PCDH9: variants seen among roughly 807,000 people sequenced by gnomAD.
PCDH9 encodes the protein protocadherin-9.
PCDH9 carries 24 observed loss-of-function variants against 70.6 expected under a neutral mutation model. That is an observed-to-expected ratio of 0.34 (90% CI 0.25 to 0.48). The LOEUF (loss-of-function observed/expected upper bound fraction) is 0.48. PCDH9 is among the 20% of genes least tolerant of loss of function. The pLI, the probability that PCDH9 is intolerant of heterozygous loss-of-function variation, is 0.99. For synonymous variants in PCDH9, 562 were observed against 558.5 expected, an observed-to-expected ratio of 1.01 and a Z score of -0.09; for missense variants, 1,281 against 1,503.6, an observed-to-expected ratio of 0.85 and a Z score of 2.45.
intron 4 of PCDH9, among the ~76,000 whole-genome samples, chr13:66,519,880 G>T (rs1025324978): frequency 2.7e-5 from 4 of 149,774 alleles, no homozygotes; most frequent in African/African-American, 9.9e-5. Context: ...CTGGTCGACG[G>T]CAGTCCTATT....
At position 66,500,928 on chromosome 13, in the gene PCDH9, G is replaced by A. The variant is rs201019917; in HGVS notation, c.3340+130282C>T. ...ATCCACATAGCAATTTTTTATTTGG[G>A]TGAGATTAAGCATAACAAAAAATAC... On this transcript the variant is annotated intron_variant, in intron 4 of 4. Coordinates refer to ENST00000377865, the MANE Select transcript of PCDH9 (RefSeq NM_203487.3). 3.3e-5 allele frequency among the ~76,000 whole-genome samples: 5 copies of A among 152,036 alleles called. No homozygotes were observed. In the East Asian group the frequency reaches 7.7e-4, roughly 24 times the overall value.
intron 3 of PCDH9, among the ~76,000 whole-genome samples, chr13:66,656,199 T>A (rs1054833264): frequency 1.3e-5 from 2 of 151,702 alleles, no homozygotes; most frequent in African/African-American, 4.8e-5. Context: ...AGCCTGTTAC[T>A]GAACAAAGTC....
At chr13:66,907,137 G>C (rs1445628003) in intron 2 of PCDH9, among the ~76,000 whole-genome samples, 1 of 152,108 alleles carries the variant, frequency 6.6e-6, no homozygotes, top group Admixed American at 6.6e-5. Context: ...TCGAGAGCTG[G>C]AGGTTGCAGT....
chr13:67,129,287 G>T (rs1407284968), intron 2 of PCDH9, among the ~76,000 whole-genome samples: 3 of 152,052 alleles, frequency 2.0e-5, no homozygotes, highest in African/African-American at 7.2e-5. Context: ...ACAGAATCTG[G>T]CAATTGCTAT....
intron 2 of PCDH9, among the ~76,000 whole-genome samples, chr13:66,928,383 G>T (rs1365804170): frequency 3.9e-5 from 6 of 151,984 alleles, no homozygotes; most frequent in Non-Finnish European, 7.4e-5. Context: ...GGAATTTCGT[G>T]TCTCACAACA....
Position 67,132,444 on chromosome 13 carries a change from T to C in PCDH9, c.3036+92961A>G, listed in dbSNP as rs151041898. Among the ~76,000 whole-genome samples, 823 of 152,262 alleles carry C rather than the reference T, an allele frequency of 5.4e-3. 12 individuals are homozygous for C. Among genetic ancestry groups the C allele is most frequent in the African/African-American group, 0.019 (801 of 41,572 alleles). On this transcript the variant is annotated intron_variant, in intron 2 of 4. Transcript: ENST00000377865. ...TCCAGCTAGAAATTTCTTAGGTGAG[T>C]TCACTATAAAGTTTACTCTCTAGTG...
intron 3 of PCDH9, among the ~76,000 whole-genome samples, chr13:66,848,958 G>A (rs762771222): frequency 6.7e-5 from 10 of 150,118 alleles, no homozygotes; most frequent in Non-Finnish European, 7.4e-5. Flanking sequence ...AAAAATAGAG[G>A]AGCCAAAATA....
At chr13:66,906,789 A>G (rs2082368516) in intron 2 of PCDH9, among the ~76,000 whole-genome samples, 1 of 151,902 alleles carries the variant, frequency 6.6e-6, no homozygotes, top group African/African-American at 2.4e-5. Context: ...GAGATTAACT[A>G]TTATAAATAC....
Position 66,642,840 on chromosome 13 carries a change from T to C in PCDH9, c.3139-11429A>G, listed in dbSNP as rs192976015. 1.7e-3 allele frequency among the ~76,000 whole-genome samples: 266 copies of C among 152,102 alleles called. 1 individual carries two copies. Among genetic ancestry groups the C allele is most frequent in the Middle Eastern group, 3.4e-3 (1 of 294 alleles). On this transcript the variant is annotated intron_variant, in intron 3 of 4. Coordinates refer to ENST00000377865, the MANE Select transcript of PCDH9 (RefSeq NM_203487.3). The stretch of plus-strand genomic sequence containing the variant: ...GAGAAATCACAATATTAAGGGTAGC[T>C]ACGAATGAGGGCAAATTTGAAGGAC...
intron 2 of PCDH9, among the ~76,000 whole-genome samples, chr13:67,166,209 A>G (rs1359603894): frequency 6.6e-6 from 1 of 152,154 alleles, no homozygotes; most frequent in East Asian, 1.9e-4. Flanking sequence ...CTCCTTTGAT[A>G]CAATTATGAA....
Position 66,771,534 on chromosome 13 carries a change from T to C in PCDH9, c.3138+131970A>G, listed in dbSNP as rs895861917. Reference sequence around the variant, plus strand: ...GTAATTCAATTACAATCATGATAAGTGCTAGGAGGACAAGTTTCCAAGTCA... The same window carrying C: ...GTAATTCAATTACAATCATGATAAGCGCTAGGAGGACAAGTTTCCAAGTCA... On this transcript the variant is annotated intron_variant, in intron 3 of 4. Coordinates refer to ENST00000377865, the MANE Select transcript of PCDH9 (RefSeq NM_203487.3). Among the ~76,000 whole-genome samples, 2 of 152,184 alleles carry C rather than the reference T, an allele frequency of 1.3e-5. 1 individual carries two copies. Among genetic ancestry groups the C allele is most frequent in the South Asian group, 4.1e-4 (2 of 4,828 alleles).
intron 4 of PCDH9, among the ~76,000 whole-genome samples, chr13:66,517,873 G>C (rs1286034884): frequency 6.6e-6 from 1 of 152,038 alleles, no homozygotes; most frequent in Non-Finnish European, 1.5e-5. Context: ...AATAATGAAT[G>C]CTTGCATGAA....
chr13:66,398,210 C>A (rs908893744), intron 4 of PCDH9, among the ~76,000 whole-genome samples: 2 of 152,024 alleles, frequency 1.3e-5, no homozygotes, highest in Admixed American at 1.3e-4. Flanking sequence ...AAGAAAGTAT[C>A]TTTATAAAAT....
At chr13:66,904,897 C>T (rs1594237022) in intron 2 of PCDH9, among the ~76,000 whole-genome samples, 1 of 151,934 alleles carries the variant, frequency 6.6e-6, no homozygotes, top group East Asian at 1.9e-4. Context: ...GACTTTAAAT[C>T]CATATATCCA....
At chr13:66,391,479 G>C (rs1216586789) in intron 4 of PCDH9, among the ~76,000 whole-genome samples, 1 of 152,124 alleles carries the variant, frequency 6.6e-6, no homozygotes, top group Non-Finnish European at 1.5e-5. Flanking sequence ...GTATCAAATA[G>C]AGCCTTGAGC....
At chr13:66,536,727 G>T (rs374369470) in intron 4 of PCDH9, among the ~76,000 whole-genome samples, 335 of 148,608 alleles carry the variant, frequency 2.3e-3, no homozygotes, top group African/African-American at 7.8e-3. Flanking sequence ...TATGCTAAAT[G>T]AATACAGTAC....
intron 4 of PCDH9, among the ~76,000 whole-genome samples, chr13:66,524,116 G>T (rs1286104877): frequency 6.6e-6 from 1 of 151,562 alleles, no homozygotes; most frequent in Admixed American, 6.6e-5. Context: ...TTTTCTTTTT[G>T]CCACGATTAG....
chr13:67,086,136 T>C (rs2086103288), intron 2 of PCDH9, among the ~76,000 whole-genome samples: 1 of 152,150 alleles, frequency 6.6e-6, no homozygotes, highest in Non-Finnish European at 1.5e-5. Context: ...AGATAAAGAA[T>C]CTAAAAAGAT....
intron 2 of PCDH9, among the ~76,000 whole-genome samples, chr13:66,980,727 T>TG (rs1248170571): frequency 1.1e-5 from 1 of 87,268 alleles, no homozygotes; most frequent in African/African-American, 5.0e-5. Context: ...TGTTTTTTTC[T>TG]TTGTTTTTTT....
Sources: allele counts gnomAD v4.1 joint callset (sites outside exome capture counted in the v4.1 genomes callset), GRCh38; gene constraint gnomAD v4.1.1; transcripts MANE v1.5; gene names NCBI Gene and HGNC (gene_info 2026-07-23, HGNC 2026-07-21).